GPC5: variants seen among roughly 807,000 people sequenced by gnomAD.
GPC5 encodes glypican 5.
GPC5 carries 47 observed loss-of-function variants against 53.9 expected under a neutral mutation model. The ratio of observed to expected loss-of-function variants is 0.87; its 90% CI spans 0.69 to 1.11. GPC5 has a LOEUF of 1.11. GPC5 is among the 50% of genes most tolerant of loss of function. The pLI, the probability that GPC5 is intolerant of heterozygous loss-of-function variation, is 0.00. For missense variants in GPC5, 748 were observed against 713.1 expected, an observed-to-expected ratio of 1.05 and a Z score of -0.56; for synonymous variants, 286 against 263.3, an observed-to-expected ratio of 1.09 and a Z score of -0.84.
chr13:92,641,602 A>G (rs753518187), intron 7 of GPC5, among the ~76,000 whole-genome samples: 1 of 152,218 alleles, frequency 6.6e-6, no homozygotes, highest in African/African-American at 2.4e-5. Flanking sequence ...GGAGAGTTTT[A>G]TTGCAGTTTA....
intron 7 of GPC5, among the ~76,000 whole-genome samples, chr13:92,394,342 C>T (rs1875161002): frequency 6.6e-6 from 1 of 151,938 alleles, no homozygotes; most frequent in Admixed American, 6.6e-5. Context: ...AATCCTAACT[C>T]CTAAAGTGAT....
chr13:92,819,396 A>C (rs1877598712), intron 7 of GPC5, among the ~76,000 whole-genome samples: 1 of 152,184 alleles, frequency 6.6e-6, no homozygotes, highest in Admixed American at 6.5e-5. Flanking sequence ...TACAAAACAA[A>C]AGGAAAATAA....
At position 91,513,714 on chromosome 13, in the gene GPC5, C is replaced by A. The variant is rs1328254553; in HGVS notation, c.325+64792C>A. ...TAAGATCACATTGCTGCACTCCAGC[C>A]TGGGCAACAGAGCGAGACGCCATCT... On this transcript the variant is annotated intron_variant, in intron 2 of 7. Coordinates refer to ENST00000377067, the MANE Select transcript of GPC5 (RefSeq NM_004466.6). 2.0e-5 allele frequency among the ~76,000 whole-genome samples: 3 copies of A among 152,132 alleles called. No homozygotes were observed. The East Asian group carries it at 5.8e-4, about 29-fold the overall frequency.
intron 6 of GPC5, among the ~76,000 whole-genome samples, chr13:91,921,767 A>T (rs2039716743): frequency 1.4e-5 from 2 of 145,600 alleles, no homozygotes; most frequent in South Asian, 4.4e-4. Context: ...GCAACATAGC[A>T]AGACTGCCTT....
At chr13:92,141,640 A>G (rs538641398) in intron 6 of GPC5, among the ~76,000 whole-genome samples, 12 of 152,266 alleles carry the variant, frequency 7.9e-5, no homozygotes, top group African/African-American at 2.6e-4. Flanking sequence ...AAATTACTAC[A>G]CATGTAGCAG....
chr13:91,731,326 G>A (rs2140021241), intron 4 of GPC5, among the ~76,000 whole-genome samples: 1 of 152,264 alleles, frequency 6.6e-6, no homozygotes, highest in Non-Finnish European at 1.5e-5. Flanking sequence ...CAGCCAAATA[G>A]GCGAGGTAAG....
intron 5 of GPC5, among the ~76,000 whole-genome samples, chr13:91,778,519 A>G (rs2037747598): frequency 1.3e-5 from 2 of 152,152 alleles, no homozygotes; most frequent in African/African-American, 4.8e-5. Flanking sequence ...TCTCTGTTCC[A>G]TCCTGGCATA....
intron 7 of GPC5, among the ~76,000 whole-genome samples, chr13:92,455,203 A>C (rs1286139410): frequency 2.0e-5 from 3 of 152,168 alleles, no homozygotes; most frequent in Admixed American, 2.0e-4. Context: ...GAACTTAGAA[A>C]CTTCATTAGT....
At chr13:91,909,123 T>C (rs1406418171) in intron 6 of GPC5, among the ~76,000 whole-genome samples, 1 of 152,184 alleles carries the variant, frequency 6.6e-6, no homozygotes, top group Non-Finnish European at 1.5e-5. Context: ...TATTCTACCA[T>C]TGATACCTGT....
At chr13:91,405,949 T>C (rs1877292531) in intron 1 of GPC5, among the ~76,000 whole-genome samples, 1 of 152,142 alleles carries the variant, frequency 6.6e-6, no homozygotes, top group African/African-American at 2.4e-5. Context: ...TTTTTGTATT[T>C]TTTGTAGAGA....
At chr13:92,574,937 A>G (rs1258939780) in intron 7 of GPC5, among the ~76,000 whole-genome samples, 1 of 152,192 alleles carries the variant, frequency 6.6e-6, no homozygotes, top group Non-Finnish European at 1.5e-5. Context: ...GGGACGCTGG[A>G]AAGAGATAGA....
intron 6 of GPC5, among the ~76,000 whole-genome samples, chr13:92,126,523 C>T (rs1481362388): frequency 6.6e-6 from 1 of 152,152 alleles, no homozygotes; most frequent in Non-Finnish European, 1.5e-5. Flanking sequence ...CCAGGCTCAA[C>T]AAACTGCTGC....
At chr13:91,449,395 A>G (rs1236135550) in intron 2 of GPC5, among the ~76,000 whole-genome samples, 1 of 152,080 alleles carries the variant, frequency 6.6e-6, no homozygotes, top group Non-Finnish European at 1.5e-5. Flanking sequence ...TGTGCAGAAC[A>G]TGCAGGTTTG....
chr13:92,410,766 CAGT>C (rs1305856810), intron 7 of GPC5, among the ~76,000 whole-genome samples: 1 of 152,192 alleles, frequency 6.6e-6, no homozygotes, highest in African/African-American at 2.4e-5. Flanking sequence ...GCAACTCTAA[CAGT>C]AGATTTGCAA....
chr13:92,458,901 A>G (rs944112574), intron 7 of GPC5, among the ~76,000 whole-genome samples: 7 of 152,132 alleles, frequency 4.6e-5, no homozygotes, highest in Admixed American at 3.9e-4. Context: ...TTATGCAACA[A>G]TGCTTTTAAG....
intron 7 of GPC5, among the ~76,000 whole-genome samples, chr13:92,419,873 GC>G (rs1876483057): frequency 6.6e-6 from 1 of 152,014 alleles, no homozygotes; most frequent in African/African-American, 2.4e-5. Context: ...GAAAGTCATG[GC>G]TCCTTTAAAA....
chr13:91,649,766 C>T (rs967567563), intron 2 of GPC5, among the ~76,000 whole-genome samples: 3 of 152,132 alleles, frequency 2.0e-5, no homozygotes, highest in Non-Finnish European at 4.4e-5. Context: ...CACCCCAGTG[C>T]CCTTCTCAAA....
chr13:92,504,324 G>T (rs1272917688), intron 7 of GPC5, among the ~76,000 whole-genome samples: 1 of 151,854 alleles, frequency 6.6e-6, no homozygotes. Flanking sequence ...TAAAACACTG[G>T]TGAAAGAAAT....
chr13:91,997,675 C>A (rs751232392), intron 6 of GPC5, among the ~76,000 whole-genome samples: 1 of 152,072 alleles, frequency 6.6e-6, no homozygotes, highest in Non-Finnish European at 1.5e-5. Context: ...CAGGACACCA[C>A]ACACAGCTAA....
Sources: gnomAD v4.1 joint callset for allele counts (sites outside exome capture counted in the v4.1 genomes callset) on GRCh38, gnomAD v4.1.1 for gene constraint, MANE v1.5 for transcripts, NCBI Gene and HGNC (gene_info 2026-07-23, HGNC 2026-07-21) for gene names.